Variants in CEP295 observed in about 807,000 individuals in gnomAD.
The protein encoded by CEP295 is centrosomal protein of 295 kDa.
In CEP295, 190 loss-of-function variants were observed where a neutral mutation model predicts 291.6. The ratio of observed to expected loss-of-function variants is 0.65; its 90% CI spans 0.58 to 0.73. The LOEUF (loss-of-function observed/expected upper bound fraction) is 0.73. Ranked by LOEUF, CEP295 falls within the 30% of genes least tolerant of loss-of-function variation. The pLI is 0.00. For synonymous variants in CEP295, 993 were observed against 1,038.8 expected, an observed-to-expected ratio of 0.96 and a Z score of 0.85; for missense variants, 2,863 against 2,949.4, an observed-to-expected ratio of 0.97 and a Z score of 0.68.
In CEP295 at chr11:93,696,887, C is replaced by T; in HGVS notation, c.1975C>T (p.Gln659Ter). ...QRLKLSPNKY[Q>*]PIQPIQTSKL... Reference sequence around the variant, plus strand: ...ACTCAAGTTGAGTCCTAACAAATACCAACCCATACAACCTATACAGACCTC... The same window carrying T: ...ACTCAAGTTGAGTCCTAACAAATACTAACCCATACAACCTATACAGACCTC... The change falls in exon 15 of 30, where the codon CAA becomes TAA. Residue 659 changes from glutamine (Q) to a stop codon, truncating the protein, a stop_gained. Transcript: ENST00000325212. LOFTEE classifies it high-confidence loss of function. 2 of 1,551,718 alleles carry T rather than the reference C, an allele frequency of 1.3e-6. No individual in the cohort carries two copies. The highest frequency in any genetic ancestry group is 2.4e-5 in the East Asian group (1 of 40,922).
intron 18 of CEP295, among the ~76,000 whole-genome samples, chr11:93,710,395 T>C (rs1235143802): frequency 6.6e-5 from 10 of 152,238 alleles, no homozygotes; most frequent in South Asian, 2.1e-4. Flanking sequence ...ATGTGGTTTT[T>C]GTCCTTCATT....
In CEP295 at chr11:93,699,858, A is replaced by G. The variant is rs78230233; in HGVS notation, c.4946A>G (p.Lys1649Arg). The G allele has an allele frequency of 6.4e-7, 1 of 1,552,152 alleles. No homozygotes were observed. The highest frequency in any genetic ancestry group is 8.7e-7 in the Non-Finnish European group (1 of 1,147,062). Residue 1649 changes from lysine to arginine, a missense_variant, in exon 15 of 30, where the codon AAG (lysine) becomes AGG (arginine). Lys to Arg is a conservative substitution (Grantham distance 26). This residue lies in a region of CEP295 where 2,295 missense variants were observed against 2,335.7 expected (regional missense o/e 0.98). Transcript: ENST00000325212. ...EHTIPSLFLPKETEHSFIPLP... is the reference protein window; with the variant it reads ...EHTIPSLFLPRETEHSFIPLP... ...ACTATCCCCTCTTTGTTTCTACCCA[A>G]GGAAACAGAGCATTCGTTTATTCCA... is the stretch of plus-strand genomic sequence containing the variant.
chr11:93,669,895 A>G (rs558795621), intron 5 of CEP295, 125 bp downstream of exon 5: 2 of 612,772 alleles, frequency 3.3e-6, no homozygotes, highest in South Asian at 4.4e-5. Flanking sequence ...AAAAACTTGT[A>G]CAGGAGTATA....
At position 93,697,521 on chromosome 11, in the gene CEP295, A is replaced by G. The variant is rs544716958; in HGVS notation, c.2609A>G (p.Gln870Arg). 3.9e-5 allele frequency: 60 copies of G among 1,551,850 alleles called. No individual in the cohort carries two copies. The South Asian group carries it at 5.0e-4, about 13-fold the overall frequency. The change falls in exon 15 of 30, where the codon CAG (glutamine) becomes CGG (arginine). Residue 870 changes from glutamine to arginine, a missense_variant. By Grantham distance (43) the Gln-to-Arg change is conservative. This residue lies in a region of CEP295 where 2,295 missense variants were observed against 2,335.7 expected (regional missense o/e 0.98). Coordinates refer to ENST00000325212, the MANE Select transcript of CEP295 (RefSeq NM_033395.2). The stretch of plus-strand genomic sequence containing the variant: ...CAGGCAACTCAGGAAGCTCAGGAAC[A>G]GTTGCTTTTGTGCAAACAGAAAGAA... ...VLQATQEAQE[Q>R]LLLCKQKEVE... is the part of the protein sequence containing the mutation.
chr11:93,686,246 G>A (rs1951230726), intron 9 of CEP295, among the ~76,000 whole-genome samples: 1 of 151,668 alleles, frequency 6.6e-6, no homozygotes, highest in Non-Finnish European at 1.5e-5. Context: ...TTGAACCTGG[G>A]AGACAAAGGC....
At chr11:93,715,045 G>A (rs1398224010) in intron 18 of CEP295, among the ~76,000 whole-genome samples, 1 of 152,200 alleles carries the variant, frequency 6.6e-6, no homozygotes, top group Non-Finnish European at 1.5e-5. Context: ...CAGTCAGCAG[G>A]TGGTGAAGCC....
At chr11:93,664,189 A>G (rs1364923732) in intron 1 of CEP295, among the ~76,000 whole-genome samples, 4 of 151,890 alleles carry the variant, frequency 2.6e-5, no homozygotes, top group South Asian at 2.1e-4. Context: ...AATAATAAAG[A>G]TACATTGTGA....
chr11:93,700,102 A>T lies in CEP295; in HGVS notation c.5190A>T (p.Lys1730Asn), dbSNP rs1451414001. 1.3e-6 allele frequency: 2 copies of T among 1,551,766 alleles called. No individual in the cohort carries two copies. Among genetic ancestry groups the T allele is most frequent in the Non-Finnish European group, 8.7e-7 (1 of 1,146,982 alleles). Reference protein sequence around the residue: ...VLHYSQKAQEKLLVQRQTALQ... With the variant: ...VLHYSQKAQENLLVQRQTALQ... ...ATTATAGCCAGAAAGCCCAGGAAAAATTGCTTGTACAGAGACAAACAGCAT... is the reference window on the plus strand; with the variant it reads ...ATTATAGCCAGAAAGCCCAGGAAAATTTGCTTGTACAGAGACAAACAGCAT... Residue 1730 changes from lysine to asparagine, a missense_variant, in exon 15 of 30, where the codon AAA becomes AAT. Around this residue, in one of 3 missense-constraint regions of CEP295, gnomAD observed 2,295 missense variants for 2,335.7 expected, o/e 0.98. Transcript: ENST00000325212.
Position 93,698,358 on chromosome 11 carries a change from C to A in CEP295, c.3446C>A (p.Ser1149Tyr). The A allele has an allele frequency of 5.8e-6, 9 of 1,552,136 alleles. No homozygotes were observed. Among genetic ancestry groups the A allele is most frequent in the Non-Finnish European group, 7.8e-6 (9 of 1,147,080 alleles). ...HLIIPTFQDK[S>Y]LSFPQHSLAQ... ...ATAATCCCAACATTTCAGGATAAGT[C>A]TCTTAGTTTTCCACAGCATAGCCTG... The change falls in exon 15 of 30, where the codon TCT (serine) becomes TAT (tyrosine). Residue 1149 changes from serine (S) to tyrosine (Y), a missense_variant. Physicochemically the swap from Ser to Tyr is moderately radical, Grantham distance 144. Around this residue, in one of 3 missense-constraint regions of CEP295, gnomAD observed 2,295 missense variants for 2,335.7 expected, o/e 0.98. Transcript: ENST00000325212.
chr11:93,680,844 A>G (rs1238090413), intron 7 of CEP295, among the ~76,000 whole-genome samples: 1 of 152,232 alleles, frequency 6.6e-6, no homozygotes, highest in Non-Finnish European at 1.5e-5. Flanking sequence ...GATTTTTTAA[A>G]TACCCATCTT....
intron 16 of CEP295, 57 bp from the exon 17 acceptor site, chr11:93,702,719 G>A: frequency 6.5e-7 from 1 of 1,538,490 alleles, no homozygotes; most frequent in Admixed American, 2.0e-5. Context: ...TTGAAGAAAA[G>A]TTAGAAGTAT....
At chr11:93,727,722 C>A in intron 24 of CEP295, 85 bp downstream of exon 24, 1 of 1,065,712 alleles carries the variant, frequency 9.4e-7, no homozygotes, top group Non-Finnish European at 1.3e-6. Context: ...AGATGAAGTT[C>A]CCACTATGCT....
Position 93,699,147 on chromosome 11 carries a change from A to G in CEP295, c.4235A>G (p.Glu1412Gly), listed in dbSNP as rs779933832. The change falls in exon 15 of 30, where the codon GAA (glutamate) becomes GGA (glycine). Residue 1412 changes from glutamate to glycine, a missense_variant. Physicochemically the swap from Glu to Gly is moderately conservative, Grantham distance 98. Coordinates refer to ENST00000325212, the MANE Select transcript of CEP295 (RefSeq NM_033395.2). Reference protein sequence around the residue: ...QHSFASLPLNESERNQEPCSI... With the variant: ...QHSFASLPLNGSERNQEPCSI... ...TCATTCGCCTCATTACCTCTTAATG[A>G]ATCTGAAAGAAACCAAGAACCATGT... 2.3e-5 allele frequency: 35 copies of G among 1,551,504 alleles called. No homozygotes were observed. The highest frequency in any genetic ancestry group is 2.9e-5 in the Non-Finnish European group (33 of 1,147,090).
intron 7 of CEP295, among the ~76,000 whole-genome samples, chr11:93,681,992 A>G (rs991702136): frequency 2.0e-5 from 3 of 152,012 alleles, no homozygotes; most frequent in Non-Finnish European, 2.9e-5. Context: ...GGTAGTGGTC[A>G]TTGTTATAAA....
At chr11:93,701,729 G>T (rs560138818) in intron 15 of CEP295, among the ~76,000 whole-genome samples, 2 of 148,664 alleles carry the variant, frequency 1.3e-5, no homozygotes, top group Non-Finnish European at 3.0e-5. Flanking sequence ...TCAGCCTCCC[G>T]GGTAGCTGGG....
chr11:93,699,712 A>G lies in CEP295; in HGVS notation c.4800A>G (p.Gln1600=). Residue 1600 remains glutamine (Q), a synonymous_variant, in exon 15 of 30, where the codon CAA becomes CAG. Transcript: ENST00000325212. ...TATCAAAGCCTATTCTGCCTCAGCAAGATAATATGACAGCACAATTGGATG... is the reference window on the plus strand; with the variant it reads ...TATCAAAGCCTATTCTGCCTCAGCAGGATAATATGACAGCACAATTGGATG... The part of the protein sequence containing the change: ...LSLSKPILPQ[Q]DNMTAQLDAQ... 6.4e-7 allele frequency: 1 copy of G among 1,551,746 alleles called. No individual in the cohort carries two copies.
intron 1 of CEP295, among the ~76,000 whole-genome samples, chr11:93,662,056 TG>T (rs1216382643): frequency 2.0e-5 from 3 of 152,206 alleles, no homozygotes; most frequent in African/African-American, 7.2e-5. Flanking sequence ...CAGCCTCCCC[TG>T]TCGCGGAGCT....
intron 17 of CEP295, among the ~76,000 whole-genome samples, chr11:93,704,345 G>A (rs1952384697): frequency 6.6e-6 from 1 of 152,114 alleles, no homozygotes. Context: ...AGGGAGGTAT[G>A]CCAGGTGCAA....
At chr11:93,712,261 T>TTTATTTA (rs1565204113) in intron 18 of CEP295, among the ~76,000 whole-genome samples, 2 of 149,938 alleles carry the variant, frequency 1.3e-5, no homozygotes, top group African/African-American at 2.4e-5. Context: ...TTATTTATTT[T>TTTATTTA]TTTAAGACAG....
Sources: gnomAD v4.1 joint callset for allele counts (sites outside exome capture counted in the v4.1 genomes callset) on GRCh38, gnomAD v4.1.1 for gene constraint, gnomAD v4.1.1 regional missense constraint, MANE v1.5 for transcripts, NCBI Gene and HGNC (gene_info 2026-07-23, HGNC 2026-07-21) for gene names.